Variants in NOMO1 observed in about 807,000 individuals in gnomAD.
The protein encoded by NOMO1 is nodal modulator 3.
NOMO1 carries 40 observed loss-of-function variants against 133.8 expected under a neutral mutation model. The ratio of observed to expected loss-of-function variants is 0.30; its 90% CI spans 0.23 to 0.39. The LOEUF is 0.39. Ranked by LOEUF, NOMO1 falls within the 10% of genes least tolerant of loss-of-function variation. The pLI is 1.00. For missense variants in NOMO1, 462 were observed against 1,419.9 expected (o/e 0.33, Z 10.84); for synonymous variants, 236 against 570.5 (o/e 0.41, Z 8.36).
At chr16:14,843,752 C>T (rs1395196516) in intron 3 of NOMO1, among the ~76,000 whole-genome samples, 6 of 139,086 alleles carry the variant, frequency 4.3e-5, no homozygotes, top group Admixed American at 7.4e-5. Flanking sequence ...TGCATGTACG[C>T]GTGCAAGCAC....
intron 28 of NOMO1, among the ~76,000 whole-genome samples, chr16:14,887,535 C>T (rs1597116344): frequency 1.3e-5 from 2 of 151,572 alleles, no homozygotes; most frequent in South Asian, 2.1e-4. Context: ...CTCCTGACCT[C>T]GTGATCCACC....
chr16:14,839,416 A>G (rs1963571622), intron 2 of NOMO1, among the ~76,000 whole-genome samples: 1 of 152,076 alleles, frequency 6.6e-6, no homozygotes, highest in Admixed American at 6.6e-5. Context: ...TTATTCAGAT[A>G]GCCACGGGTA....
chr16:14,857,792 G>C, intron 11 of NOMO1, 137 bp downstream of exon 11: 1 of 630,404 alleles, frequency 1.6e-6, no homozygotes, highest in Non-Finnish European at 2.4e-6. Flanking sequence ...TTTTTTTTTT[G>C]AGAGACAGAG....
chr16:14,859,796 A>G (rs1963896019), intron 11 of NOMO1, among the ~76,000 whole-genome samples: 1 of 152,166 alleles, frequency 6.6e-6, no homozygotes. Context: ...AGTGTTGTGC[A>G]GAGAAGAGAT....
At chr16:14,860,770 A>G (rs1963912398) in intron 11 of NOMO1, among the ~76,000 whole-genome samples, 1 of 152,082 alleles carries the variant, frequency 6.6e-6, no homozygotes, top group Non-Finnish European at 1.5e-5. Flanking sequence ...TTTGTTGAAC[A>G]TTTTTGGAAA....
At chr16:14,835,443 T>A (rs915567267) in intron 1 of NOMO1, among the ~76,000 whole-genome samples, 2 of 150,810 alleles carry the variant, frequency 1.3e-5, no homozygotes, top group Admixed American at 6.6e-5. Context: ...GAAGCTGAAA[T>A]GCAAGAGGCC....
chr16:14,864,558 T>C, intron 12 of NOMO1, 27 bp from the exon 13 acceptor site: 1 of 1,613,536 alleles, frequency 6.2e-7, no homozygotes, highest in East Asian at 2.2e-5. Context: ...GAATGCAGCC[T>C]CTAACGTTCC....
intron 12 of NOMO1, 68 bp from the exon 13 acceptor site, chr16:14,864,517 G>A: frequency 6.2e-7 from 1 of 1,601,746 alleles, no homozygotes; most frequent in Non-Finnish European, 8.5e-7. Context: ...GAATGTTCTA[G>A]CGCCCTGTAG....
At chr16:14,865,963 A>T (rs1355595425) in intron 14 of NOMO1, among the ~76,000 whole-genome samples, 4 of 129,792 alleles carry the variant, frequency 3.1e-5, no homozygotes, top group African/African-American at 1.2e-4. Flanking sequence ...AGAGTTACAG[A>T]AAAAGTTTGT....
In NOMO1 at chr16:14,839,053, G is replaced by GT. The variant is rs991907819; in HGVS notation, c.255+568dup. 1.9e-3 allele frequency among the ~76,000 whole-genome samples: 281 copies of GT among 147,412 alleles called. 2 individuals carry two copies. The highest frequency in any genetic ancestry group is 4.9e-3 in the African/African-American group (196 of 40,264). On this transcript the variant is annotated intron_variant, in intron 2 of 30. Coordinates refer to ENST00000287667, the MANE Select transcript of NOMO1 (RefSeq NM_014287.4). ...TAATCTGATAAAGGGTTTTTTTGTT[G>GT]TTTTTTTTTTTCTTCTTTTGAGATG...
intron 22 of NOMO1, among the ~76,000 whole-genome samples, chr16:14,877,961 GT>G (rs1251655490): frequency 7.3e-6 from 1 of 136,056 alleles, no homozygotes; most frequent in African/African-American, 2.7e-5. Flanking sequence ...ATTGTCTCTT[GT>G]GTACCACAAG....
intron 11 of NOMO1, 144 bp from the exon 12 acceptor site, chr16:14,862,869 C>T (rs1375511860): frequency 2.3e-6 from 2 of 886,972 alleles, no homozygotes; most frequent in Non-Finnish European, 1.8e-6. Context: ...CCAGAATCAT[C>T]TGGACTGCAT....
At chr16:14,874,537 C>A (rs1156445326) in intron 18 of NOMO1, among the ~76,000 whole-genome samples, 3 of 152,086 alleles carry the variant, frequency 2.0e-5, no homozygotes, top group Non-Finnish European at 4.4e-5. Flanking sequence ...GCTCCGGGCT[C>A]TCCGTCTTCC....
intron 16 of NOMO1, among the ~76,000 whole-genome samples, chr16:14,869,835 G>A (rs1210869960): frequency 6.9e-6 from 1 of 145,138 alleles, no homozygotes; most frequent in South Asian, 2.3e-4. Context: ...TTCCACAGAG[G>A]CTGTGTCGTT....
At chr16:14,834,655 T>G (rs1421455488) in intron 1 of NOMO1, among the ~76,000 whole-genome samples, 1 of 145,146 alleles carries the variant, frequency 6.9e-6, no homozygotes, top group Non-Finnish European at 1.5e-5. Context: ...AATGAGTAGT[T>G]AATGGAATTA....
Position 14,889,416 on chromosome 16 carries a change from C to T in NOMO1, c.3444+201C>T, listed in dbSNP as rs568046894. On this transcript the variant is annotated intron_variant, in intron 29 of 30. Transcript: ENST00000287667. ...GCGTGGTGGAACGCACCTATAGTCC[C>T]GGCTACTCGGGAGGCTGAGGTGGGA... 9.9e-5 allele frequency among the ~76,000 whole-genome samples: 15 copies of T among 152,100 alleles called. No individual in the cohort carries two copies. The South Asian group carries it at 1.2e-3, about 13-fold the overall frequency.
chr16:14,882,805 C>G, intron 26 of NOMO1, 128 bp downstream of exon 26: 1 of 1,517,150 alleles, frequency 6.6e-7, no homozygotes, highest in Non-Finnish European at 9.0e-7. Context: ...TAAGGGTCCT[C>G]TTAGAATAGT....
At chr16:14,881,318 C>T (rs528196313) in intron 24 of NOMO1, among the ~76,000 whole-genome samples, 2 of 152,040 alleles carry the variant, frequency 1.3e-5, no homozygotes, top group African/African-American at 4.8e-5. Context: ...TTACAATTTT[C>T]CAGAGCATCC....
At chr16:14,882,895 T>C (rs1412774521) in intron 26 of NOMO1, among the ~76,000 whole-genome samples, 1 of 152,088 alleles carries the variant, frequency 6.6e-6, no homozygotes, top group Non-Finnish European at 1.5e-5. Flanking sequence ...AAATTGGAAC[T>C]GTTGTATCCT....
Sources: gnomAD v4.1 joint callset for allele counts (sites outside exome capture counted in the v4.1 genomes callset) on GRCh38, gnomAD v4.1.1 for gene constraint, MANE v1.5 for transcripts, NCBI Gene and HGNC (gene_info 2026-07-23, HGNC 2026-07-21) for gene names.